The following NOL4 variants were observed in gnomAD, a reference collection of about 807,000 sequenced individuals.
NOL4 encodes nucleolar protein 4, also known as cancer/testis antigen 125.
In NOL4, 17 loss-of-function variants were observed where a neutral mutation model predicts 75.9. The ratio of observed to expected loss-of-function variants is 0.22; its 90% CI spans 0.15 to 0.34. The LOEUF (loss-of-function observed/expected upper bound fraction) is 0.34, where lower values mean the gene tolerates loss of function less well. Ranked by LOEUF, NOL4 falls within the 10% of genes least tolerant of loss-of-function variation. The pLI, the probability that NOL4 is intolerant of heterozygous loss-of-function variation, is 1.00. For synonymous variants in NOL4, 292 were observed against 289.9 expected (o/e 1.01, Z -0.07); for missense variants, 614 against 793.5 (o/e 0.77, Z 2.72).
chr18:33,969,640 T>C (rs1390626287), intron 6 of NOL4, among the ~76,000 whole-genome samples: 2 of 152,166 alleles, frequency 1.3e-5, no homozygotes, highest in African/African-American at 4.8e-5. Flanking sequence ...TGGTATCTGG[T>C]TTACTCATTT....
intron 4 of NOL4, among the ~76,000 whole-genome samples, chr18:34,102,506 C>T (rs767581980): frequency 1.1e-4 from 17 of 151,928 alleles, no homozygotes; most frequent in Admixed American, 7.9e-4. Context: ...TTTAAGGAAG[C>T]GTGACATCCA....
chr18:34,120,026 A>G (rs1202154411), intron 2 of NOL4, among the ~76,000 whole-genome samples: 2 of 152,226 alleles, frequency 1.3e-5, no homozygotes, highest in Non-Finnish European at 2.9e-5. Context: ...ATTACAAACT[A>G]TTGTTTATCT....
In NOL4 at chr18:33,957,506, C is replaced by T. The variant is rs1298559442; in HGVS notation, c.1248G>A (p.Arg416=). The T allele has an allele frequency of 3.2e-5, 51 of 1,612,384 alleles. No individual in the cohort carries two copies. The highest frequency in any genetic ancestry group is 4.3e-5 in the Non-Finnish European group (51 of 1,179,168). ...ERLKAFNMFV[R]LFVDENLDRM... Reference sequence around the variant, plus strand: ...GGTCCAAGTTTTCATCTACAAACAGCCTGACAAACATCTGTTGGCAAGAGG... The same window carrying T: ...GGTCCAAGTTTTCATCTACAAACAGTCTGACAAACATCTGTTGGCAAGAGG... Residue 416 remains arginine (R), a synonymous_variant, in exon 8 of 11, where the codon AGG becomes AGA. Transcript: ENST00000261592.
chr18:34,158,085 C>T (rs1341771439), intron 1 of NOL4, among the ~76,000 whole-genome samples: 1 of 152,156 alleles, frequency 6.6e-6, no homozygotes, highest in African/African-American at 2.4e-5. Flanking sequence ...GCTGAAAAGG[C>T]TTGTCTATTC....
chr18:33,958,460 A>C, intron 6 of NOL4, 42 bp from the exon 7 acceptor site: 1 of 1,517,510 alleles, frequency 6.6e-7, no homozygotes, highest in Non-Finnish European at 8.9e-7. Context: ...AATTCATTGC[A>C]CAAGCTTATA....
intron 9 of NOL4, among the ~76,000 whole-genome samples, chr18:33,894,837 T>C (rs1398918521): frequency 1.3e-5 from 2 of 151,898 alleles, no homozygotes; most frequent in African/African-American, 2.4e-5. Flanking sequence ...TGGGGAGACA[T>C]GGAATGGAGG....
rs140806221 is a variant in NOL4 at position 34,148,495 on chromosome 18, T to C, written c.265-18475A>G. Among the ~76,000 whole-genome samples the C allele has an allele frequency of 5.1e-3, 776 of 152,284 alleles. 9 individuals carry two copies. Among genetic ancestry groups the C allele is most frequent in the African/African-American group, 0.018 (730 of 41,564 alleles). ...TACCCAGTTGTCATTCAGTAGCAGG[T>C]TGTTCAGTTTCCATGTACTTGTACA... On this transcript the variant is annotated intron_variant, in intron 1 of 10. Transcript: ENST00000261592.
At chr18:34,048,370 G>A in intron 5 of NOL4, 1 of 777,390 alleles carries the variant, frequency 1.3e-6, no homozygotes. Context: ...TGCTTCATGG[G>A]ACAGTCTTCA....
chr18:33,989,276 A>G (rs1187146124), intron 6 of NOL4, among the ~76,000 whole-genome samples: 1 of 151,646 alleles, frequency 6.6e-6, no homozygotes, highest in Non-Finnish European at 1.5e-5. Context: ...AGTGATATTA[A>G]AGGGATACGC....
chr18:34,178,673 G>A (rs549244394), intron 1 of NOL4, among the ~76,000 whole-genome samples: 2 of 151,706 alleles, frequency 1.3e-5, no homozygotes, highest in African/African-American at 2.4e-5. Context: ...TTCAATATGT[G>A]TACTTAACAA....
chr18:34,111,561 G>A (rs2079589969), intron 2 of NOL4, among the ~76,000 whole-genome samples: 1 of 151,830 alleles, frequency 6.6e-6, no homozygotes. Context: ...CTGGTAGCTT[G>A]CTCTTGGGCT....
At chr18:33,854,250 C>G (rs2062743662) in intron 10 of NOL4, among the ~76,000 whole-genome samples, 3 of 152,118 alleles carry the variant, frequency 2.0e-5, no homozygotes, top group Admixed American at 2.0e-4. Flanking sequence ...CCAACCCCCT[C>G]CACCCTCTAC....
chr18:34,177,503 G>A (rs2033658231), intron 1 of NOL4, among the ~76,000 whole-genome samples: 1 of 151,884 alleles, frequency 6.6e-6, no homozygotes, highest in South Asian at 2.1e-4. Flanking sequence ...ATATGGTTTA[G>A]CATGAAAACT....
chr18:34,083,034 A>G (rs1299492552), intron 5 of NOL4, among the ~76,000 whole-genome samples: 1 of 152,212 alleles, frequency 6.6e-6, no homozygotes, highest in East Asian at 1.9e-4. Flanking sequence ...GAAATATTTT[A>G]TGAAAAGTGA....
chr18:34,066,288 T>G (rs2077272579), intron 5 of NOL4, among the ~76,000 whole-genome samples: 1 of 151,986 alleles, frequency 6.6e-6, no homozygotes, highest in African/African-American at 2.4e-5. Context: ...ACTTGAGAAT[T>G]ATCAAACAAC....
At chr18:34,030,814 G>A (rs1259516286) in intron 5 of NOL4, among the ~76,000 whole-genome samples, 2 of 151,800 alleles carry the variant, frequency 1.3e-5, no homozygotes, top group Non-Finnish European at 2.9e-5. Flanking sequence ...ACATCACTGT[G>A]TACCCCGTAA....
At chr18:34,074,118 G>A (rs1380425747) in intron 5 of NOL4, among the ~76,000 whole-genome samples, 1 of 151,564 alleles carries the variant, frequency 6.6e-6, no homozygotes, top group Non-Finnish European at 1.5e-5. Flanking sequence ...AAGGAGAATA[G>A]TCAAAGAATT....
chr18:34,009,951 T>G (rs553148412), intron 6 of NOL4, among the ~76,000 whole-genome samples: 34 of 151,946 alleles, frequency 2.2e-4, no homozygotes, highest in Non-Finnish European at 3.2e-4. Flanking sequence ...GTTATTAGAA[T>G]AATCCTGGCA....
intron 9 of NOL4, among the ~76,000 whole-genome samples, chr18:33,901,086 T>A (rs1382798757): frequency 6.6e-6 from 1 of 152,192 alleles, no homozygotes. Flanking sequence ...TAAAATACAA[T>A]AGAAATGTCT....
Sources: allele counts gnomAD v4.1 joint callset (sites outside exome capture counted in the v4.1 genomes callset), GRCh38; gene constraint gnomAD v4.1.1; transcripts MANE v1.5; gene names NCBI Gene and HGNC (gene_info 2026-07-23, HGNC 2026-07-21).